The following ANKRD45 variants were observed in gnomAD, a reference collection of about 807,000 sequenced individuals.
ANKRD45 encodes ankyrin repeat domain-containing protein 45.
In ANKRD45, 21 loss-of-function variants were observed where a neutral mutation model predicts 28.1. The observed-to-expected ratio is 0.75, with a 90% CI of 0.53 to 1.08. The LOEUF is 1.08. Ranked by LOEUF, ANKRD45 falls within the 50% of genes least tolerant of loss-of-function variation. The pLI is 0.00. For missense variants in ANKRD45, 261 were observed against 308.7 expected (o/e 0.85, Z 1.16); for synonymous variants, 86 against 103.9 (o/e 0.83, Z 1.05).
At chr1:173,699,317 T>C in the ANKRD45 span, among the ~76,000 whole-genome samples, 1 of 152,180 alleles carries the variant, frequency 6.6e-6, no homozygotes, top group Non-Finnish European at 1.5e-5. Context: ...CCCTAACTCA[T>C]TTTATGAGGC....
the ANKRD45 span, among the ~76,000 whole-genome samples, chr1:173,686,703 T>G: frequency 6.6e-6 from 1 of 152,234 alleles, no homozygotes; most frequent in Non-Finnish European, 1.5e-5. Flanking sequence ...CCTTGGTGCC[T>G]TCTTACTGAG....
At chr1:173,630,991 T>G (rs12066066) in intron 3 of ANKRD45, among the ~76,000 whole-genome samples, 7,591 of 151,850 alleles carry the variant, frequency 0.05, 627 homozygotes, top group African/African-American at 0.17. Context: ...TAACACTGAA[T>G]GTAAATGGAC....
chr1:173,697,305 A>G, the ANKRD45 span, among the ~76,000 whole-genome samples: 1 of 152,198 alleles, frequency 6.6e-6, no homozygotes, highest in East Asian at 1.9e-4. Context: ...AATTCAGGAA[A>G]TTCAGAGAAC....
chr1:173,663,332 A>T (rs1214603209), intron 1 of ANKRD45, among the ~76,000 whole-genome samples: 1 of 152,198 alleles, frequency 6.6e-6, no homozygotes, highest in Non-Finnish European at 1.5e-5. Flanking sequence ...TGACAGAAAT[A>T]GTATGCTGAT....
the ANKRD45 span, among the ~76,000 whole-genome samples, chr1:173,712,475 A>T: frequency 6.6e-6 from 1 of 152,236 alleles, no homozygotes; most frequent in African/African-American, 2.4e-5. Context: ...TAGTGTGAGT[A>T]TTGATGAGTT....
the ANKRD45 span, among the ~76,000 whole-genome samples, chr1:173,695,606 A>C: frequency 2.0e-5 from 3 of 152,280 alleles, no homozygotes; most frequent in African/African-American, 7.2e-5. Flanking sequence ...TCCATCAATG[A>C]TGGGCACCTA....
chr1:173,650,032 T>C lies in ANKRD45; in HGVS notation c.329-3019A>G, dbSNP rs145702986. The stretch of plus-strand genomic sequence containing the variant: ...GATATTTAGTCTCACTATTGAGACA[T>C]ATATACATTTCGTGTGGTCTTTCAT... On this transcript the variant is annotated intron_variant, in intron 2 of 5. Transcript: ENST00000333279. Among the ~76,000 whole-genome samples the C allele has an allele frequency of 5.4e-3, 829 of 152,320 alleles. 5 individuals are homozygous for C. The highest frequency in any genetic ancestry group is 0.017 in the African/African-American group (722 of 41,574).
At chr1:173,637,173 C>G in intron 3 of ANKRD45, 1 of 656,436 alleles carries the variant, frequency 1.5e-6, no homozygotes, top group Non-Finnish European at 2.5e-6. Flanking sequence ...TCCAAAGAAG[C>G]CTGGGTTGAA....
chr1:173,690,081 TC>T, the ANKRD45 span, among the ~76,000 whole-genome samples: 1 of 47,128 alleles, frequency 2.1e-5, no homozygotes, highest in South Asian at 1.0e-3. Context: ...CCCCCCGACC[TC>T]CCTTGTGGTA....
intron 1 of ANKRD45, among the ~76,000 whole-genome samples, chr1:173,664,897 A>T (rs1452993931): frequency 1.3e-5 from 2 of 152,118 alleles, no homozygotes; most frequent in Non-Finnish European, 2.9e-5. Context: ...AGTCAGAGAG[A>T]CTTGGGTTCA....
At chr1:173,611,773 AAAACAGAT>A (rs1451046194) in intron 5 of ANKRD45, among the ~76,000 whole-genome samples, 4 of 152,212 alleles carry the variant, frequency 2.6e-5, no homozygotes, top group Non-Finnish European at 5.9e-5. Context: ...CAACAAAGGA[AAAACAGAT>A]AAATTGAACT....
At chr1:173,627,027 A>G (rs747962815) in intron 4 of ANKRD45, 38 bp downstream of exon 4, 3 of 1,467,504 alleles carry the variant, frequency 2.0e-6, no homozygotes, top group Admixed American at 3.7e-5. Context: ...CAAAATTCTC[A>G]AAACACTACA....
chr1:173,635,485 A>G, intron 3 of ANKRD45: 1 of 1,422,060 alleles, frequency 7.0e-7, no homozygotes, highest in African/African-American at 1.4e-5. Flanking sequence ...TAAAATAGCT[A>G]AATTTTAGCT....
At chr1:173,648,196 C>G (rs968886462) in intron 2 of ANKRD45, among the ~76,000 whole-genome samples, 1 of 152,104 alleles carries the variant, frequency 6.6e-6, no homozygotes, top group Admixed American at 6.5e-5. Flanking sequence ...CCTCAGCCTC[C>G]CAAAGTGCTG....
At chr1:173,671,612 T>C (rs1340462489), upstream of ANKRD45, among the ~76,000 whole-genome samples, 4 of 151,732 alleles carry the variant, frequency 2.6e-5, no homozygotes, top group Non-Finnish European at 5.9e-5. Context: ...GGCTCATGCC[T>C]GTAATCCCAG....
intron 5 of ANKRD45, among the ~76,000 whole-genome samples, chr1:173,610,761 A>G (rs1667109072): frequency 6.6e-6 from 1 of 152,102 alleles, no homozygotes; most frequent in Admixed American, 6.5e-5. Flanking sequence ...ATTCAAGTTC[A>G]GCCTGGGTAA....
At chr1:173,620,006 G>A (rs1245574922) in intron 5 of ANKRD45, among the ~76,000 whole-genome samples, 1 of 151,872 alleles carries the variant, frequency 6.6e-6, no homozygotes, top group East Asian at 1.9e-4. Flanking sequence ...AATAATAATG[G>A]GAGACTTTAA....
At chr1:173,650,241 G>A (rs532768110) in intron 2 of ANKRD45, among the ~76,000 whole-genome samples, 1 of 152,114 alleles carries the variant, frequency 6.6e-6, no homozygotes, top group Non-Finnish European at 1.5e-5. Flanking sequence ...TTCTCCTAAT[G>A]CTATCTCTCC....
At chr1:173,644,980 C>T (rs547573529) in intron 3 of ANKRD45, among the ~76,000 whole-genome samples, 2 of 127,574 alleles carry the variant, frequency 1.6e-5, no homozygotes, top group African/African-American at 5.5e-5. Flanking sequence ...GCAACAAGAG[C>T]GAAACTCCAT....
Sources: allele counts gnomAD v4.1 joint callset (sites outside exome capture counted in the v4.1 genomes callset), GRCh38; gene constraint gnomAD v4.1.1; transcripts MANE v1.5; gene names NCBI Gene and HGNC (gene_info 2026-07-23, HGNC 2026-07-21).